TIMM9: variants seen among roughly 807,000 people sequenced by gnomAD.
TIMM9 encodes mitochondrial import inner membrane translocase subunit Tim9.
Under a neutral mutation model 13.4 loss-of-function variants are expected in TIMM9, and 10 were observed. That is an observed-to-expected ratio of 0.75 (90% CI 0.46 to 1.26). The LOEUF (loss-of-function observed/expected upper bound fraction) is 1.26, where lower values mean the gene tolerates loss of function less well. Ranked by LOEUF, TIMM9 falls within the 50% of genes most tolerant of loss-of-function variation. The pLI, the probability that TIMM9 is intolerant of heterozygous loss-of-function variation, is 0.00. For synonymous variants in TIMM9, 32 were observed against 32.1 expected, an observed-to-expected ratio of 1.00 and a Z score of 0.01; for missense variants, 87 against 100.8, an observed-to-expected ratio of 0.86 and a Z score of 0.58.
intron 3 of TIMM9, among the ~76,000 whole-genome samples, chr14:58,418,896 T>C (rs1039413131): frequency 3.9e-5 from 6 of 152,244 alleles, no homozygotes; most frequent in African/African-American, 9.6e-5. Flanking sequence ...TACGGGCTTA[T>C]TGCAATTTCT....
intron 3 of TIMM9, among the ~76,000 whole-genome samples, chr14:58,421,485 T>C (rs2036586684): frequency 6.6e-6 from 1 of 152,164 alleles, no homozygotes; most frequent in South Asian, 2.1e-4. Context: ...TTGTAAGATG[T>C]TACCATTGTG....
chr14:58,412,752 T>C (rs1048332919), intron 3 of TIMM9, among the ~76,000 whole-genome samples: 1 of 152,006 alleles, frequency 6.6e-6, no homozygotes, highest in Non-Finnish European at 1.5e-5. Flanking sequence ...AATACAAAAA[T>C]TGGCCAGACG....
chr14:58,424,859 C>T (rs973855906), intron 2 of TIMM9, among the ~76,000 whole-genome samples: 1 of 151,832 alleles, frequency 6.6e-6, no homozygotes, highest in African/African-American at 2.4e-5. Flanking sequence ...AGAAAGAGAC[C>T]CTGTCTCAAA....
chr14:58,412,718 T>C (rs1046162389), intron 3 of TIMM9, among the ~76,000 whole-genome samples: 1 of 152,050 alleles, frequency 6.6e-6, no homozygotes, highest in Admixed American at 6.6e-5. Flanking sequence ...CTGGCCAACA[T>C]AGTGAAACCC....
At chr14:58,415,943 C>CT (rs2036392209) in intron 3 of TIMM9, among the ~76,000 whole-genome samples, 1 of 151,968 alleles carries the variant, frequency 6.6e-6, no homozygotes, top group Admixed American at 6.6e-5. Flanking sequence ...AGGCTGAGCG[C>CT]AGTGCCTCAC....
chr14:58,417,577 G>T lies in TIMM9; in HGVS notation c.-26-5606C>A, dbSNP rs199906413. On this transcript the variant is annotated intron_variant, in intron 3 of 5. Transcript: ENST00000395159. ...GAGAGAGGGAAAGGAGCGTGGGAGG[G>T]AGGGAAAGGAGCGTGGGAGGGAGGG... Among the ~76,000 whole-genome samples, 92 of 133,774 alleles carry T rather than the reference G, an allele frequency of 6.9e-4. No individual in the cohort carries two copies. In the East Asian group the frequency reaches 0.017, roughly 25 times the overall value. 87.8% of individuals were successfully genotyped at this position (133,774 alleles called of 152,430 possible).
At chr14:58,409,368 C>T (rs1031968264) in intron 5 of TIMM9, among the ~76,000 whole-genome samples, 200 bp from the exon 6 acceptor site, 2 of 152,024 alleles carry the variant, frequency 1.3e-5, no homozygotes, top group Admixed American at 6.6e-5. Context: ...ATATTGAATG[C>T]CTGCCAGTTT....
At chr14:58,419,504 CAAACACAT>C (rs1566752477) in intron 3 of TIMM9, among the ~76,000 whole-genome samples, 4 of 125,016 alleles carry the variant, frequency 3.2e-5, no homozygotes, top group South Asian at 5.1e-4. Flanking sequence ...CACACACACA[CAAACACAT>C]ACACACACAC....
Position 58,427,409 on chromosome 14 carries a change from A to G in TIMM9, c.-321T>C. ...TAATTTACCTAATCCCACGTCCCTA[A>G]CGGTCTTCGGAAGCGAAGCAGTGTC... On this transcript the variant is annotated 5_prime_UTR_variant, in exon 1 of 6. Coordinates refer to ENST00000395159, the MANE Select transcript of TIMM9 (RefSeq NM_012460.4). The G allele has an allele frequency of 1.8e-6, 1 of 570,420 alleles. No individual in the cohort carries two copies. The highest frequency in any genetic ancestry group is 3.1e-6 in the Non-Finnish European group (1 of 324,782). 35.3% of individuals were successfully genotyped at this position (570,420 alleles called of 1,614,324 possible). A position where few individuals can be genotyped will look rare whatever the true frequency, so the allele number is the denominator to read the frequency against.
At chr14:58,424,215 G>A (rs907800367) in intron 2 of TIMM9, 120 bp from the exon 3 acceptor site, 1 of 152,022 alleles carries the variant, frequency 6.6e-6, no homozygotes, top group East Asian at 1.9e-4. Flanking sequence ...TTTTTAGTAA[G>A]TGAAATTAGT....
At position 58,408,658 on chromosome 14, in the gene TIMM9, T is replaced by A; in HGVS notation, c.*376A>T. 2.2e-6 allele frequency: 3 copies of A among 1,389,042 alleles called. No individual in the cohort carries two copies. Among genetic ancestry groups the A allele is most frequent in the Non-Finnish European group, 3.0e-6 (3 of 1,012,468 alleles). 86.0% of individuals were successfully genotyped at this position (1,389,042 alleles called of 1,614,324 possible). On this transcript the variant is annotated 3_prime_UTR_variant, in exon 6 of 6. Coordinates refer to ENST00000395159, the MANE Select transcript of TIMM9 (RefSeq NM_012460.4). ...AGTATAAACAACTGCTCAGTGATATTTCCATTTATTTTACTTTGAGTAATA... is the reference window on the plus strand; with the variant it reads ...AGTATAAACAACTGCTCAGTGATATATCCATTTATTTTACTTTGAGTAATA...
Position 58,410,863 on chromosome 14 carries a change from T to C in TIMM9, c.115A>G (p.Arg39Gly), listed in dbSNP as rs1326432893. ...CATACCTCTTCAGGTTTTACTTCTCTTGTTGTGAAGTCTTTAACACAGTCC... is the reference window on the plus strand; with the variant it reads ...CATACCTCTTCAGGTTTTACTTCTCCTGTTGTGAAGTCTTTAACACAGTCC... The part of the protein sequence containing the change: ...FLDCVKDFTT[R>G]EVKPEETTCS... Residue 39 changes from arginine to glycine, a missense_variant, in exon 5 of 6, where the codon AGA becomes GGA. By Grantham distance (125) the Arg-to-Gly change is moderately radical. Coordinates refer to ENST00000395159, the MANE Select transcript of TIMM9 (RefSeq NM_012460.4). 3.1e-6 allele frequency: 5 copies of C among 1,609,364 alleles called. No homozygotes were observed. Among genetic ancestry groups the C allele is most frequent in the Non-Finnish European group, 4.2e-6 (5 of 1,178,770 alleles).
chr14:58,417,754 G>A (rs1421577896), intron 3 of TIMM9, among the ~76,000 whole-genome samples: 1 of 151,580 alleles, frequency 6.6e-6, no homozygotes, highest in Non-Finnish European at 1.5e-5. Flanking sequence ...ACCCAATGAA[G>A]GAAATAAAGA....
At chr14:58,419,451 T>A (rs1226233229) in intron 3 of TIMM9, among the ~76,000 whole-genome samples, 2 of 112,852 alleles carry the variant, frequency 1.8e-5, no homozygotes, top group Admixed American at 9.2e-5. Flanking sequence ...TGAGACCCCG[T>A]CACACACACA....
intron 3 of TIMM9, among the ~76,000 whole-genome samples, chr14:58,414,757 A>G (rs972319878): frequency 2.6e-5 from 4 of 151,942 alleles, no homozygotes; most frequent in African/African-American, 7.2e-5. Context: ...AAAAAGAAAA[A>G]AAAGAAAGAA....
At chr14:58,419,213 G>C (rs544040301) in intron 3 of TIMM9, among the ~76,000 whole-genome samples, 1 of 152,198 alleles carries the variant, frequency 6.6e-6, no homozygotes, top group Admixed American at 6.5e-5. Flanking sequence ...CAGCACTTTG[G>C]GAGGCCAAGA....
chr14:58,410,611 G>A (rs183434928), intron 5 of TIMM9, among the ~76,000 whole-genome samples: 91 of 152,324 alleles, frequency 6.0e-4, no homozygotes, highest in Admixed American at 9.8e-4. Context: ...CTCAGCAGCT[G>A]CAGGCATCTT....
At chr14:58,416,939 C>G (rs2036428662) in intron 3 of TIMM9, among the ~76,000 whole-genome samples, 1 of 152,056 alleles carries the variant, frequency 6.6e-6, no homozygotes, top group Non-Finnish European at 1.5e-5. Context: ...TTGGCTATGT[C>G]CCCACCCAAA....
Position 58,408,678 on chromosome 14 carries a change from G to T in TIMM9, c.*356C>A. ...GATATTTCCATTTATTTTACTTTGAGTAATAAAAATTTTTCTATCTCATAC... is the reference window on the plus strand; with the variant it reads ...GATATTTCCATTTATTTTACTTTGATTAATAAAAATTTTTCTATCTCATAC... On this transcript the variant is annotated 3_prime_UTR_variant, in exon 6 of 6. Transcript: ENST00000395159. 1 of 1,292,198 alleles carries T rather than the reference G, an allele frequency of 7.7e-7. No individual in the cohort carries two copies. Among genetic ancestry groups the T allele is most frequent in the Non-Finnish European group, 1.1e-6 (1 of 940,186 alleles). 80.0% of individuals were successfully genotyped at this position (1,292,198 alleles called of 1,614,324 possible). A position where few individuals can be genotyped will look rare whatever the true frequency, so the allele number is the denominator to read the frequency against.
Sources: allele counts gnomAD v4.1 joint callset (sites outside exome capture counted in the v4.1 genomes callset), GRCh38; gene constraint gnomAD v4.1.1; transcripts MANE v1.5; gene names NCBI Gene and HGNC (gene_info 2026-07-23, HGNC 2026-07-21).